Variants in OPN5 observed in about 807,000 individuals in gnomAD.
OPN5 encodes opsin-5.
OPN5 carries 18 observed loss-of-function variants against 41.7 expected under a neutral mutation model. The ratio of observed to expected loss-of-function variants is 0.43; its 90% CI spans 0.30 to 0.64. The LOEUF (loss-of-function observed/expected upper bound fraction) is 0.64, where lower values mean the gene tolerates loss of function less well. Ranked by LOEUF, OPN5 falls within the 30% of genes least tolerant of loss-of-function variation. OPN5 has a pLI of 0.13. For missense variants in OPN5, 318 were observed against 434.5 expected (o/e 0.73, Z 2.38); for synonymous variants, 178 against 164.3 (o/e 1.08, Z -0.64).
chr6:47,810,779 C>T (rs747314446), intron 5 of OPN5, among the ~76,000 whole-genome samples: 14 of 152,146 alleles, frequency 9.2e-5, no homozygotes, highest in Non-Finnish European at 1.8e-4. Flanking sequence ...GCCAAGAGCT[C>T]TTTCTGGAAT....
At chr6:47,797,779 G>A (rs1297258641) in intron 4 of OPN5, among the ~76,000 whole-genome samples, 1 of 152,040 alleles carries the variant, frequency 6.6e-6, no homozygotes, top group African/African-American at 2.4e-5. Context: ...AATAAATCTG[G>A]GTCCTGATTG....
chr6:47,808,164 T>C (rs1316113990), exon 5 of OPN5: 10 of 1,613,950 alleles, frequency 6.2e-6, no homozygotes, highest in Non-Finnish European at 8.5e-6. Context: ...GTAGCGATGT[T>C]GATTTGTGCT....
At chr6:47,804,886 A>G (rs1291499606) in intron 4 of OPN5, among the ~76,000 whole-genome samples, 2 of 152,206 alleles carry the variant, frequency 1.3e-5, no homozygotes, top group Admixed American at 6.5e-5. Context: ...CTGTTCCCCA[A>G]TTGCACACTC....
chr6:47,783,973 C>T (rs935229065), intron 1 of OPN5, among the ~76,000 whole-genome samples: 1 of 152,114 alleles, frequency 6.6e-6, no homozygotes, highest in South Asian at 2.1e-4. Context: ...GGGAGGATTG[C>T]AGGAGGATTG....
chr6:47,797,152 T>TG (rs547837283), intron 4 of OPN5, among the ~76,000 whole-genome samples: 1 of 152,066 alleles, frequency 6.6e-6, no homozygotes, highest in South Asian at 2.1e-4. Context: ...GAGATCTGGG[T>TG]GGGGGGACAG....
At chr6:47,809,373 C>T (rs1226825823) in intron 5 of OPN5, among the ~76,000 whole-genome samples, 1 of 152,130 alleles carries the variant, frequency 6.6e-6, no homozygotes, top group Admixed American at 6.5e-5. Context: ...TTGTCTTGTT[C>T]TTTCATTGTG....
chr6:47,811,292 A>T (rs755986267), intron 5 of OPN5, among the ~76,000 whole-genome samples: 8 of 152,186 alleles, frequency 5.3e-5, no homozygotes, highest in Non-Finnish European at 8.8e-5. Context: ...CATTGCTATC[A>T]TAATCAAACC....
chr6:47,822,109 CA>C (rs11284494), intron 6 of OPN5, among the ~76,000 whole-genome samples: 31,038 of 89,144 alleles, frequency 0.35, 3,135 homozygotes, highest in African/African-American at 0.39. Context: ...GACTCTGTCT[CA>C]AAAAAAAAAA....
At chr6:47,810,567 GA>G (rs538938108) in intron 5 of OPN5, among the ~76,000 whole-genome samples, 11 of 151,410 alleles carry the variant, frequency 7.3e-5, no homozygotes, top group Non-Finnish European at 1.6e-4. Flanking sequence ...TCTGAGCCCT[GA>G]AATGTTTTTG....
intron 4 of OPN5, among the ~76,000 whole-genome samples, chr6:47,798,244 T>C (rs894230405): frequency 1.3e-5 from 2 of 152,068 alleles, no homozygotes; most frequent in Non-Finnish European, 2.9e-5. Flanking sequence ...TTATTAATAT[T>C]TGTGCAGAAA....
intron 6 of OPN5, among the ~76,000 whole-genome samples, chr6:47,814,860 A>G (rs1029480923): frequency 7.9e-5 from 12 of 152,148 alleles, no homozygotes; most frequent in African/African-American, 2.9e-4. Context: ...TTGGGTTCTC[A>G]TAACTGGCCC....
At chr6:47,824,186 T>C (rs956144127) in exon 7 of OPN5, 12 of 597,582 alleles carry the variant, frequency 2.0e-5, no homozygotes, top group Admixed American at 8.6e-5. Flanking sequence ...AACTGAGTTA[T>C]CTCATTCTGG....
chr6:47,803,516 T>C (rs1171890913), intron 4 of OPN5, among the ~76,000 whole-genome samples: 1 of 152,224 alleles, frequency 6.6e-6, no homozygotes, highest in African/African-American at 2.4e-5. Flanking sequence ...AGAGGTGATC[T>C]CTCCTGGGAA....
chr6:47,801,411 A>G (rs910427830), intron 4 of OPN5, among the ~76,000 whole-genome samples: 1 of 152,190 alleles, frequency 6.6e-6, no homozygotes, highest in Admixed American at 6.5e-5. Flanking sequence ...TAAAACTCTT[A>G]AACATAAAGC....
intron 3 of OPN5, 92 bp downstream of exon 3, chr6:47,792,064 A>G: frequency 1.2e-6 from 1 of 821,344 alleles, no homozygotes; most frequent in Non-Finnish European, 2.0e-6. Flanking sequence ...ATAAACAAAG[A>G]TTATGAATAA....
At chr6:47,782,336 G>A in intron 1 of OPN5, 140 bp downstream of exon 1, 1 of 637,138 alleles carries the variant, frequency 1.6e-6, no homozygotes, top group South Asian at 2.1e-5. Flanking sequence ...AAGATGGAAT[G>A]GCATTATGGC....
chr6:47,814,438 AAG>A (rs1762370437), intron 6 of OPN5, among the ~76,000 whole-genome samples: 1 of 152,270 alleles, frequency 6.6e-6, no homozygotes, highest in Admixed American at 6.5e-5. Flanking sequence ...AAAGGAAAAA[AAG>A]AGTTTAAATT....
intron 6 of OPN5, 103 bp from the exon 7 acceptor site, chr6:47,823,880 G>GGT (rs1008948532): frequency 1.2e-4 from 95 of 813,528 alleles, no homozygotes; most frequent in Non-Finnish European, 1.7e-4. Context: ...TGGTTCTTTT[G>GGT]GTGTGTGTGT....
chr6:47,805,957 A>G (rs1445489435), intron 4 of OPN5, among the ~76,000 whole-genome samples: 1 of 152,100 alleles, frequency 6.6e-6, no homozygotes, highest in Non-Finnish European at 1.5e-5. Context: ...AAAATCCCCA[A>G]GGTGGGTCTG....
Sources: allele counts gnomAD v4.1 joint callset (sites outside exome capture counted in the v4.1 genomes callset), GRCh38; gene constraint gnomAD v4.1.1; transcripts MANE v1.5; gene names NCBI Gene and HGNC (gene_info 2026-07-23, HGNC 2026-07-21).